KCNIP4: variants seen among roughly 807,000 people sequenced by gnomAD.
The protein encoded by KCNIP4 is Kv channel-interacting protein 4.
Under a neutral mutation model 34.0 loss-of-function variants are expected in KCNIP4, and 12 were observed. That is an observed-to-expected ratio of 0.35 (90% CI 0.23 to 0.57). The LOEUF is 0.57. KCNIP4 is among the 20% of genes least tolerant of loss of function. The probability of loss-of-function intolerance (pLI) is 0.83; values close to 1 mark genes in which losing one functional copy is unlikely to be tolerated. For synonymous variants in KCNIP4, 124 were observed against 102.2 expected, an observed-to-expected ratio of 1.21 and a Z score of -1.29; for missense variants, 238 against 311.7, an observed-to-expected ratio of 0.76 and a Z score of 1.78.
chr4:21,192,023 G>C lies in KCNIP4; in HGVS notation c.62-309314C>G, dbSNP rs114170078. Among the ~76,000 whole-genome samples, 470 of 152,236 alleles carry C rather than the reference G, an allele frequency of 3.1e-3. 4 individuals are homozygous for C. Among genetic ancestry groups the C allele is most frequent in the Middle Eastern group, 0.01 (3 of 294 alleles). On this transcript the variant is annotated intron_variant, in intron 1 of 8. Coordinates refer to ENST00000382152, the MANE Select transcript of KCNIP4 (RefSeq NM_025221.6). Reference sequence around the variant, plus strand: ...CCATTTCATATTGTTTTATATTATAGTTAACATGAATTGATTTTGAATCCT... The same window carrying C: ...CCATTTCATATTGTTTTATATTATACTTAACATGAATTGATTTTGAATCCT...
chr4:21,905,211 A>T (rs1212551442), intron 1 of KCNIP4, among the ~76,000 whole-genome samples: 2 of 151,850 alleles, frequency 1.3e-5, no homozygotes, highest in African/African-American at 4.8e-5. Context: ...GCTCTGCCTG[A>T]CCTCCTTCTA....
chr4:21,257,199 A>T (rs1330963585), intron 1 of KCNIP4, among the ~76,000 whole-genome samples: 3 of 152,220 alleles, frequency 2.0e-5, no homozygotes, highest in Admixed American at 2.0e-4. Context: ...CAAGTTTGTG[A>T]ATAAAAAGCA....
chr4:21,688,014 T>C (rs1051843453), intron 1 of KCNIP4, among the ~76,000 whole-genome samples: 1 of 152,176 alleles, frequency 6.6e-6, no homozygotes, highest in Non-Finnish European at 1.5e-5. Context: ...TACTCAATAG[T>C]ATACCTTAAG....
intron 1 of KCNIP4, among the ~76,000 whole-genome samples, chr4:21,382,157 C>T (rs7655472): frequency 0.84 from 127,993 of 152,152 alleles, 54,201 homozygotes; most frequent in Non-Finnish European, 0.89. Flanking sequence ...ATATGTAGTA[C>T]TTGGAATAAG....
intron 1 of KCNIP4, among the ~76,000 whole-genome samples, chr4:21,101,710 G>A (rs569652781): frequency 7.2e-5 from 11 of 152,156 alleles, no homozygotes; most frequent in African/African-American, 2.4e-4. Context: ...AAACACGTGA[G>A]CTTTATGGTA....
At chr4:20,987,377 T>C (rs949175484) in intron 1 of KCNIP4, among the ~76,000 whole-genome samples, 2 of 151,410 alleles carry the variant, frequency 1.3e-5, no homozygotes, top group African/African-American at 2.4e-5. Flanking sequence ...TACATTGTAA[T>C]GAGTCCTCCA....
At chr4:21,642,882 TC>T (rs1276470779) in intron 1 of KCNIP4, among the ~76,000 whole-genome samples, 9 of 152,128 alleles carry the variant, frequency 5.9e-5, no homozygotes, top group Admixed American at 5.9e-4. Flanking sequence ...CCTTAAGGCA[TC>T]CCTTATTATT....
chr4:20,915,960 CT>C (rs1442699010), intron 1 of KCNIP4, among the ~76,000 whole-genome samples: 1 of 152,106 alleles, frequency 6.6e-6, no homozygotes, highest in Non-Finnish European at 1.5e-5. Flanking sequence ...TCTTTTCAAA[CT>C]GCATTCTTAC....
At chr4:21,319,652 T>C (rs1283935313) in intron 1 of KCNIP4, among the ~76,000 whole-genome samples, 1 of 152,188 alleles carries the variant, frequency 6.6e-6, no homozygotes, top group East Asian at 1.9e-4. Context: ...AACTTCTTTC[T>C]ACCCATGGTC....
intron 1 of KCNIP4, among the ~76,000 whole-genome samples, chr4:21,842,248 C>T (rs888454547): frequency 6.6e-6 from 1 of 152,124 alleles, no homozygotes; most frequent in African/African-American, 2.4e-5. Flanking sequence ...ATATATGTCT[C>T]TGACAAGAGG....
At chr4:21,332,589 C>T (rs1231028753) in intron 1 of KCNIP4, among the ~76,000 whole-genome samples, 1 of 152,022 alleles carries the variant, frequency 6.6e-6, no homozygotes, top group Non-Finnish European at 1.5e-5. Flanking sequence ...GCAACCCTGA[C>T]TTGGTCTTGA....
intron 1 of KCNIP4, among the ~76,000 whole-genome samples, chr4:20,965,321 T>C (rs1046847842): frequency 5.9e-5 from 9 of 152,162 alleles, no homozygotes; most frequent in Admixed American, 1.3e-4. Context: ...ACGGAACACA[T>C]AAGCCAAGTC....
At chr4:20,760,964 G>T (rs1387774914) in intron 3 of KCNIP4, among the ~76,000 whole-genome samples, 1 of 152,190 alleles carries the variant, frequency 6.6e-6, no homozygotes, top group African/African-American at 2.4e-5. Context: ...GTGTTTTTGA[G>T]ATTTATTACA....
intron 1 of KCNIP4, among the ~76,000 whole-genome samples, chr4:21,283,015 C>A (rs1275581538): frequency 2.6e-5 from 4 of 152,180 alleles, no homozygotes; most frequent in African/African-American, 9.7e-5. Context: ...GACTGAATTA[C>A]TCACATGTGC....
chr4:21,252,252 C>G (rs1035954708), intron 1 of KCNIP4, among the ~76,000 whole-genome samples: 1 of 151,460 alleles, frequency 6.6e-6, no homozygotes. Flanking sequence ...CTCAGCCTCC[C>G]GAGTAGCCAG....
At chr4:21,854,698 T>C (rs1724640658) in intron 1 of KCNIP4, among the ~76,000 whole-genome samples, 2 of 152,160 alleles carry the variant, frequency 1.3e-5, no homozygotes, top group Admixed American at 1.3e-4. Context: ...AATTGACTCC[T>C]AAACCATATT....
intron 1 of KCNIP4, among the ~76,000 whole-genome samples, chr4:21,917,836 A>G (rs992590519): frequency 6.6e-6 from 1 of 152,230 alleles, no homozygotes; most frequent in Non-Finnish European, 1.5e-5. Flanking sequence ...CTGGATTGGC[A>G]AAAGCAAGAC....
In KCNIP4 at chr4:21,153,515, G is replaced by GTGTATA. The variant is rs1434833588; in HGVS notation, c.62-270807_62-270806insTATACA. Reference sequence around the variant, plus strand: ...TATATTTATATATATATGTGTGTGTGTATATATATATATATATATATATAT... The same window carrying GTGTATA: ...TATATTTATATATATATGTGTGTGTGTGTATATATATATATATATATATATATATAT... On this transcript the variant is annotated intron_variant, in intron 1 of 8. Coordinates refer to ENST00000382152, the MANE Select transcript of KCNIP4 (RefSeq NM_025221.6). Among the ~76,000 whole-genome samples the GTGTATA allele has an allele frequency of 6.4e-5, 9 of 140,900 alleles. No individual in the cohort carries two copies. In the East Asian group the frequency reaches 1.9e-3, roughly 30 times the overall value. 92.4% of individuals were successfully genotyped at this position (140,900 alleles called of 152,430 possible).
chr4:20,964,791 T>C (rs192599710), intron 1 of KCNIP4, among the ~76,000 whole-genome samples: 3 of 152,294 alleles, frequency 2.0e-5, no homozygotes, highest in East Asian at 1.9e-4. Flanking sequence ...AGAGCTAATA[T>C]GGAGTAATTG....
Sources: allele counts gnomAD v4.1 joint callset (sites outside exome capture counted in the v4.1 genomes callset), GRCh38; gene constraint gnomAD v4.1.1; transcripts MANE v1.5; gene names NCBI Gene and HGNC (gene_info 2026-07-23, HGNC 2026-07-21).